SORCS1: variants seen among roughly 807,000 people sequenced by gnomAD.
SORCS1 encodes the protein sortilin related VPS10 domain containing receptor 1.
In SORCS1, 60 loss-of-function variants were observed where a neutral mutation model predicts 146.1. The observed-to-expected ratio is 0.41, with a 90% confidence interval of 0.33 to 0.51. The LOEUF (loss-of-function observed/expected upper bound fraction) is 0.51. SORCS1 is among the 20% of genes least tolerant of loss of function. SORCS1 has a pLI of 0.21. For synonymous variants in SORCS1, 637 were observed against 584.0 expected (o/e 1.09, Z -1.31); for missense variants, 1,352 against 1,487.6 (o/e 0.91, Z 1.50).
At chr10:106,930,699 GAAA>G (rs1044728832) in intron 2 of SORCS1, among the ~76,000 whole-genome samples, 40 of 152,184 alleles carry the variant, frequency 2.6e-4, no homozygotes, top group Admixed American at 1.3e-3. Context: ...TCAGAATTTG[GAAA>G]GATATGATGG....
At chr10:107,088,540 C>T (rs1229734247) in intron 1 of SORCS1, among the ~76,000 whole-genome samples, 3 of 152,122 alleles carry the variant, frequency 2.0e-5, no homozygotes, top group Non-Finnish European at 4.4e-5. Flanking sequence ...CAAATGGATA[C>T]GGCAGGCCAA....
chr10:106,794,705 G>A (rs1367557898), intron 3 of SORCS1, among the ~76,000 whole-genome samples: 5 of 151,880 alleles, frequency 3.3e-5, no homozygotes, highest in African/African-American at 4.8e-5. Flanking sequence ...GGTTTTCACC[G>A]TGTTAGCCAG....
At chr10:106,668,971 T>C (rs1851381064) in intron 16 of SORCS1, among the ~76,000 whole-genome samples, 1 of 152,120 alleles carries the variant, frequency 6.6e-6, no homozygotes. Context: ...CCAACAAGGT[T>C]GTGATGAGCC....
chr10:106,873,550 C>T (rs908511033), intron 2 of SORCS1, among the ~76,000 whole-genome samples: 3 of 152,160 alleles, frequency 2.0e-5, no homozygotes, highest in African/African-American at 7.2e-5. Context: ...CCATGGCCTA[C>T]ATAAACTCTT....
chr10:107,096,350 A>G (rs1190219808), intron 1 of SORCS1, among the ~76,000 whole-genome samples: 2 of 152,214 alleles, frequency 1.3e-5, no homozygotes, highest in Non-Finnish European at 2.9e-5. Flanking sequence ...ATGTTTTACC[A>G]CATACTATTG....
At chr10:106,640,083 A>T (rs374742535) in intron 18 of SORCS1, among the ~76,000 whole-genome samples, 73 of 152,240 alleles carry the variant, frequency 4.8e-4, no homozygotes, top group African/African-American at 1.6e-3. Context: ...CCTTTGTGCC[A>T]CCACTAAAGG....
At chr10:106,808,324 T>C (rs1323087181) in intron 3 of SORCS1, among the ~76,000 whole-genome samples, 1 of 152,148 alleles carries the variant, frequency 6.6e-6, no homozygotes, top group Non-Finnish European at 1.5e-5. Flanking sequence ...GGCCCGGTGC[T>C]GTTTTTAAAT....
chr10:106,636,154 C>T (rs774935734), intron 18 of SORCS1, among the ~76,000 whole-genome samples: 13 of 151,934 alleles, frequency 8.6e-5, no homozygotes, highest in East Asian at 5.8e-4. Flanking sequence ...CAGCACTTCA[C>T]GAGGCTGAAG....
chr10:106,979,221 G>A (rs1010647364), intron 1 of SORCS1, among the ~76,000 whole-genome samples: 1 of 152,058 alleles, frequency 6.6e-6, no homozygotes, highest in Admixed American at 6.6e-5. Context: ...AAGAGAACTG[G>A]GAGCATAAAG....
At chr10:106,969,498 A>G (rs1442185917) in intron 1 of SORCS1, among the ~76,000 whole-genome samples, 2 of 152,212 alleles carry the variant, frequency 1.3e-5, no homozygotes. Context: ...CTGAGATGGA[A>G]GAGTTGAAAG....
intron 5 of SORCS1, among the ~76,000 whole-genome samples, chr10:106,744,026 G>A (rs1039212731): frequency 2.0e-5 from 3 of 152,088 alleles, no homozygotes; most frequent in South Asian, 2.1e-4. Context: ...TTTGCCAGCC[G>A]TACAATATTC....
At chr10:106,651,336 C>G (rs531125957) in intron 18 of SORCS1, among the ~76,000 whole-genome samples, 8 of 152,304 alleles carry the variant, frequency 5.3e-5, no homozygotes, top group African/African-American at 1.7e-4. Flanking sequence ...TATACCCCAG[C>G]CTTGCCACTG....
intron 24 of SORCS1, among the ~76,000 whole-genome samples, chr10:106,592,767 C>A (rs1589682337): frequency 2.0e-5 from 3 of 151,636 alleles, no homozygotes; most frequent in Admixed American, 2.0e-4. Context: ...TACTCCTCCC[C>A]ACTGTTTCTC....
At chr10:106,892,197 G>C (rs1951264015) in intron 2 of SORCS1, among the ~76,000 whole-genome samples, 1 of 152,130 alleles carries the variant, frequency 6.6e-6, no homozygotes, top group Non-Finnish European at 1.5e-5. Context: ...AATCAAATGG[G>C]AACACGTGTC....
chr10:106,912,777 C>A (rs1952227733), intron 2 of SORCS1, among the ~76,000 whole-genome samples: 1 of 152,202 alleles, frequency 6.6e-6, no homozygotes, highest in East Asian at 1.9e-4. Context: ...CTCCTGGGTT[C>A]CAGTGAGTCT....
intron 2 of SORCS1, among the ~76,000 whole-genome samples, chr10:106,864,095 G>A (rs1950136373): frequency 6.6e-6 from 1 of 152,160 alleles, no homozygotes; most frequent in Non-Finnish European, 1.5e-5. Context: ...TAGAAACTTA[G>A]TATAGAAAAA....
intron 18 of SORCS1, among the ~76,000 whole-genome samples, chr10:106,644,504 T>G (rs1387056235): frequency 6.6e-6 from 1 of 151,962 alleles, no homozygotes; most frequent in Non-Finnish European, 1.5e-5. Flanking sequence ...GTAGCTGGGA[T>G]TACAGGTGCC....
intron 9 of SORCS1, among the ~76,000 whole-genome samples, chr10:106,688,859 T>C (rs937355992): frequency 1.3e-4 from 19 of 151,948 alleles, no homozygotes; most frequent in Non-Finnish European, 2.4e-4. Flanking sequence ...CTCAGGATTA[T>C]TAACCCACAA....
intron 18 of SORCS1, among the ~76,000 whole-genome samples, chr10:106,649,774 G>C (rs1454291326): frequency 6.6e-6 from 1 of 151,892 alleles, no homozygotes; most frequent in East Asian, 1.9e-4. Context: ...TTTTCCATTT[G>C]TCTCTTACTG....
Sources: gnomAD v4.1 joint callset for allele counts (sites outside exome capture counted in the v4.1 genomes callset) on GRCh38, gnomAD v4.1.1 for gene constraint, MANE v1.5 for transcripts, NCBI Gene and HGNC (gene_info 2026-07-23, HGNC 2026-07-21) for gene names.